ANKRD11: variants seen among roughly 807,000 people sequenced by gnomAD.
The protein encoded by ANKRD11 is ankyrin repeat domain 11, also known as ankyrin repeat domain-containing protein 11.
A neutral mutation model predicts 195.7 loss-of-function variants in ANKRD11; 17 were observed. That is an observed-to-expected ratio of 0.09 (90% confidence interval 0.06 to 0.13). The LOEUF is 0.13. Among genes scored for constraint, ANKRD11 ranks in the 10% least tolerant of loss-of-function variants. The probability of loss-of-function intolerance (pLI) is 1.00; values close to 1 mark genes in which losing one functional copy is unlikely to be tolerated. For synonymous variants in ANKRD11, 1,953 were observed against 1,528.1 expected (o/e 1.28, Z -6.49); for missense variants, 3,735 against 3,566.1 (o/e 1.05, Z -1.21).
intron 2 of ANKRD11, among the ~76,000 whole-genome samples, chr16:89,402,173 G>A (rs546891686): frequency 6.6e-6 from 1 of 152,258 alleles, no homozygotes; most frequent in Admixed American, 6.5e-5. Context: ...TAAGGAGGAC[G>A]ACCTACAGTT....
intron 1 of ANKRD11, among the ~76,000 whole-genome samples, chr16:89,447,729 G>A (rs1335941593): frequency 1.3e-5 from 2 of 151,720 alleles, no homozygotes; most frequent in Admixed American, 6.6e-5. Flanking sequence ...GAGCCACCGC[G>A]CCTGGCCCAA....
rs565590201 is a variant in ANKRD11 at position 89,284,003 on chromosome 16, C to T, written c.2539G>A (p.Asp847Asn). ...QRDRWFSDLS[D>N]SSFDFKGEDS... ...TCCCCTTTGAAATCAAAGGATGAAT[C>T]GGACAAGTCAGAAAACCACCGATCT... is the stretch of plus-strand genomic sequence containing the variant. The change falls in exon 9 of 13, where the codon GAT becomes AAT. Residue 847 changes from aspartate (D) to asparagine (N), a missense_variant. Asp to Asn is a conservative substitution (Grantham distance 23). Coordinates refer to ENST00000301030, the MANE Select transcript of ANKRD11 (RefSeq NM_013275.6). The T allele has an allele frequency of 1.4e-5, 22 of 1,614,088 alleles. No homozygotes were observed. In the Middle Eastern group the frequency reaches 3.0e-3, roughly 218 times the overall value.
In ANKRD11 at chr16:89,279,813, G is replaced by T. The variant is rs758276955; in HGVS notation, c.6729C>A (p.Pro2243=). ...GDPDSSVEPA[P]VPPEQRPLGS... is the part of the protein sequence containing the mutation. ...CCAGTGGGCGCTGTTCTGGGGGAAC[G>T]GGCGCGGGCTCCACGCTGGAGTCCG... The change falls in exon 9 of 13, where the codon CCC becomes CCA. Residue 2243 remains proline (P), a synonymous_variant. Coordinates refer to ENST00000301030, the MANE Select transcript of ANKRD11 (RefSeq NM_013275.6). The surrounding 1 kb of genome is among the most constrained non-coding windows in gnomAD (Gnocchi z 5.6). The T allele has an allele frequency of 3.9e-6, 6 of 1,542,568 alleles. No homozygotes were observed. The South Asian group carries it at 5.9e-5, about 15-fold the overall frequency.
At chr16:89,375,768 TAAA>T (rs36033030) in intron 2 of ANKRD11, among the ~76,000 whole-genome samples, 90 of 84,524 alleles carry the variant, frequency 1.1e-3, no homozygotes, top group African/African-American at 2.3e-3. Context: ...CTCCGTCTCT[TAAA>T]AAAAAAAAAA....
At chr16:89,323,323 G>A (rs1008256796) in intron 2 of ANKRD11, 15 of 1,288,932 alleles carry the variant, frequency 1.2e-5, no homozygotes, top group African/African-American at 9.1e-5. Flanking sequence ...ACAGCACTGT[G>A]GCAATCCCAG....
intron 9 of ANKRD11, among the ~76,000 whole-genome samples, chr16:89,277,049 C>T (rs1407762344): frequency 1.1e-5 from 1 of 91,652 alleles, no homozygotes; most frequent in Non-Finnish European, 2.2e-5. Flanking sequence ...GAGTGAGACT[C>T]TGTCTTAAAA....
chr16:89,300,920 G>T, intron 4 of ANKRD11: 1 of 699,880 alleles, frequency 1.4e-6, no homozygotes. Context: ...CCTGACGAGG[G>T]CTCCCTCGTG....
At chr16:89,381,850 G>A (rs2040671360) in intron 2 of ANKRD11, among the ~76,000 whole-genome samples, 1 of 152,198 alleles carries the variant, frequency 6.6e-6, no homozygotes, top group Admixed American at 6.5e-5. Flanking sequence ...AGACCCAGGA[G>A]GGCATAACTT....
chr16:89,316,099 CAAAGGACGACAG>C (rs2036939391), intron 3 of ANKRD11, among the ~76,000 whole-genome samples: 1 of 152,090 alleles, frequency 6.6e-6, no homozygotes. Flanking sequence ...GCACGAGGAT[CAAAGGACGACAG>C]CGACAGGATG....
At chr16:89,461,180 A>AACCC in intron 1 of ANKRD11, among the ~76,000 whole-genome samples, 1 of 58,274 alleles carries the variant, frequency 1.7e-5, no homozygotes, top group Non-Finnish European at 3.1e-5. Flanking sequence ...ATATCGTATG[A>AACCC]CCCCCCCCCC....
chr16:89,456,375 C>A (rs1031558064), intron 1 of ANKRD11, among the ~76,000 whole-genome samples: 1 of 151,586 alleles, frequency 6.6e-6, no homozygotes, highest in Non-Finnish European at 1.5e-5. Flanking sequence ...ATGGAAAAAC[C>A]CTGTCTCTAC....
Position 89,466,379 on chromosome 16 carries a change from G to A in ANKRD11, c.-145+23866C>T, listed in dbSNP as rs183575915. ...ACAAGGACTGATGACACAGGGGACC[G>A]CATGAGGATGGAAACTTGCTGGAAT... On this transcript the variant is annotated intron_variant, in intron 1 of 12. Transcript: ENST00000301030. Among the ~76,000 whole-genome samples the A allele has an allele frequency of 7.2e-4, 110 of 152,280 alleles. 2 individuals are homozygous for A. The highest frequency in any genetic ancestry group is 5.5e-3 in the Admixed American group (84 of 15,296).
chr16:89,365,653 T>C (rs1171122262), intron 2 of ANKRD11, among the ~76,000 whole-genome samples: 1 of 152,184 alleles, frequency 6.6e-6, no homozygotes, highest in Non-Finnish European at 1.5e-5. Context: ...GTAGGGGGCC[T>C]TTTACCGCAA....
intron 2 of ANKRD11, among the ~76,000 whole-genome samples, chr16:89,386,999 C>T (rs1053765619): frequency 1.3e-5 from 2 of 151,952 alleles, no homozygotes; most frequent in East Asian, 3.9e-4. Context: ...CCTGTATCGA[C>T]TGGGTGCTCT....
At chr16:89,319,803 G>T (rs1238660472) in intron 2 of ANKRD11, among the ~76,000 whole-genome samples, 1 of 152,242 alleles carries the variant, frequency 6.6e-6, no homozygotes, top group Admixed American at 6.5e-5. Context: ...GCCCACTCTA[G>T]AGTCTTTTTC....
At chr16:89,331,575 G>A (rs1256506295) in intron 2 of ANKRD11, among the ~76,000 whole-genome samples, 1 of 152,162 alleles carries the variant, frequency 6.6e-6, no homozygotes, top group Non-Finnish European at 1.5e-5. Flanking sequence ...TGGGTGTGTG[G>A]TGACACTGAG....
rs144813150 is a variant in ANKRD11, at chr16:89,362,463, C to T, written c.-59-45385G>A. On this transcript the variant is annotated intron_variant, in intron 2 of 12. Coordinates refer to ENST00000301030, the MANE Select transcript of ANKRD11 (RefSeq NM_013275.6). ...AGAATGAAGTGAACAGCACTGAAGC[C>T]GGAAGGGACAAGACTCAATCCCACG... Among the ~76,000 whole-genome samples, 1,262 of 152,310 alleles carry T rather than the reference C, an allele frequency of 8.3e-3. 13 individuals are homozygous for T. Among genetic ancestry groups the T allele is most frequent in the South Asian group, 0.037 (179 of 4,832 alleles).
chr16:89,457,961 T>C (rs929987069), intron 1 of ANKRD11, among the ~76,000 whole-genome samples: 1 of 152,106 alleles, frequency 6.6e-6, no homozygotes, highest in Non-Finnish European at 1.5e-5. Flanking sequence ...CACCTCGCAA[T>C]GACTTGCTCC....
chr16:89,472,913 G>C (rs2057135904), intron 1 of ANKRD11, among the ~76,000 whole-genome samples: 1 of 152,202 alleles, frequency 6.6e-6, no homozygotes, highest in Admixed American at 6.5e-5. Context: ...CTGGGGGCCA[G>C]ACATAGTGGC....
Sources: allele counts gnomAD v4.1 joint callset (sites outside exome capture counted in the v4.1 genomes callset), GRCh38; gene constraint gnomAD v4.1.1; non-coding constraint Gnocchi (gnomAD v3.1); transcripts MANE v1.5; gene names NCBI Gene and HGNC (gene_info 2026-07-23, HGNC 2026-07-21).